Variants in TARS2 observed in about 807,000 individuals in gnomAD.
The protein encoded by TARS2 is threonyl-tRNA synthetase 2, mitochondrial, also known as threonine--tRNA ligase, mitochondrial.
TARS2 carries 61 observed loss-of-function variants against 94.4 expected under a neutral mutation model. The observed-to-expected ratio is 0.65, with a 90% CI of 0.53 to 0.80. TARS2 has a LOEUF of 0.80. Among genes scored for constraint, TARS2 ranks in the 30% least tolerant of loss-of-function variants. The pLI, the probability that TARS2 is intolerant of heterozygous loss-of-function variation, is 0.00. For missense variants in TARS2, 704 were observed against 902.5 expected (o/e 0.78, Z 2.82); for synonymous variants, 359 against 353.4 (o/e 1.02, Z -0.18).
chr1:150,494,301 G>A (rs1165929086), intron 7 of TARS2, among the ~76,000 whole-genome samples: 1 of 150,722 alleles, frequency 6.6e-6, no homozygotes, highest in East Asian at 2.0e-4. Context: ...CTGCCAGGAG[G>A]CAGAGGTTGC....
At chr1:150,487,797 C>T (rs1176388666) in intron 1 of TARS2, 61 bp from the exon 2 acceptor site, 1 of 1,571,758 alleles carries the variant, frequency 6.4e-7, no homozygotes, top group African/African-American at 1.4e-5. Flanking sequence ...GTGCCATCAT[C>T]TGCAATTCTA....
intron 13 of TARS2, among the ~76,000 whole-genome samples, chr1:150,502,731 T>C (rs1008844959): frequency 6.6e-6 from 1 of 152,188 alleles, no homozygotes; most frequent in Non-Finnish European, 1.5e-5. Flanking sequence ...TTGACTGTGT[T>C]GGGGTCTTTT....
intron 11 of TARS2, 77 bp from the exon 12 acceptor site, chr1:150,498,820 T>C: frequency 6.2e-7 from 1 of 1,610,804 alleles, no homozygotes; most frequent in Non-Finnish European, 8.5e-7. Flanking sequence ...GTTTTTGCCC[T>C]TTGTTTTCCT....
chr1:150,504,457 T>A, intron 14 of TARS2, 22 bp downstream of exon 14: 1 of 1,612,234 alleles, frequency 6.2e-7, no homozygotes, highest in South Asian at 1.1e-5. Flanking sequence ...TGCCCTATCC[T>A]CTTTTCCCTT....
In TARS2 at chr1:150,487,981, T is replaced by C. The variant is rs749449546; in HGVS notation, c.190T>C (p.Ser64Pro). The change falls in exon 2 of 18, where the codon TCA becomes CCA. Residue 64 changes from serine to proline, a missense_variant. Physicochemically the swap from Ser to Pro is moderately conservative, Grantham distance 74. This residue lies in a region of TARS2 where 208 missense variants were observed against 228.5 expected (regional missense o/e 0.91). Coordinates refer to ENST00000369064, the MANE Select transcript of TARS2 (RefSeq NM_025150.5). ...AQKEPRTIKI[S>P]LPGGQKIDAV... ...GAAGGAACCCCGGACTATTAAGATA[T>C]CACTTCCTGGAGGCCAGAAAATTGA... The C allele has an allele frequency of 1.9e-6, 3 of 1,613,984 alleles. No individual in the cohort carries two copies. Among genetic ancestry groups the C allele is most frequent in the East Asian group, 4.5e-5 (2 of 44,874 alleles).
intron 3 of TARS2, chr1:150,489,352 A>C: frequency 2.3e-6 from 1 of 433,892 alleles, no homozygotes; most frequent in Non-Finnish European, 4.4e-6. Context: ...ATGTAAATTC[A>C]GCCCCCTCAA....
chr1:150,491,266 G>T (rs1461293801), intron 4 of TARS2, 128 bp from the exon 5 acceptor site: 2 of 830,196 alleles, frequency 2.4e-6, no homozygotes, highest in African/African-American at 1.7e-5. Context: ...CTCTGAGTTT[G>T]TCTGTCTTTG....
chr1:150,490,916 C>G (rs1432425824), intron 4 of TARS2, among the ~76,000 whole-genome samples, 191 bp downstream of exon 4: 2 of 151,974 alleles, frequency 1.3e-5, no homozygotes, highest in African/African-American at 4.8e-5. Context: ...AATTTACCTT[C>G]TTGGCTGGTG....
chr1:150,500,798 TG>T (rs1432285310), intron 13 of TARS2, among the ~76,000 whole-genome samples: 1 of 152,180 alleles, frequency 6.6e-6, no homozygotes, highest in Non-Finnish European at 1.5e-5. Flanking sequence ...CACTCCAGCC[TG>T]GGCGACAGAG....
Position 150,496,893 on chromosome 1 carries a change from A to G in TARS2, c.1005A>G (p.Leu335=), listed in dbSNP as rs779555326. The change falls in exon 9 of 18, where the codon CTA becomes CTG. Residue 335 remains leucine (L), a synonymous_variant. Coordinates refer to ENST00000369064, the MANE Select transcript of TARS2 (RefSeq NM_025150.5). ...GAGGGACAAGGGTGTATAATGCACT[A>G]GTGGCGTTTATCAGGGTAAGGGGAC... ...LPRGTRVYNA[L]VAFIRAEYAH... 3.1e-6 allele frequency: 5 copies of G among 1,614,006 alleles called. No homozygotes were observed. The South Asian group carries it at 4.4e-5, about 14-fold the overall frequency.
intron 4 of TARS2, 126 bp from the exon 5 acceptor site, chr1:150,491,268 C>G: frequency 1.2e-6 from 1 of 848,838 alleles, no homozygotes. Context: ...CTGAGTTTGT[C>G]TGTCTTTGCC....
rs145751121 is a variant in TARS2 at position 150,498,967 on chromosome 1, G to C, written c.1472G>C (p.Arg491Pro). The C allele has an allele frequency of 1.2e-6, 2 of 1,614,084 alleles. No individual in the cohort carries two copies. Among genetic ancestry groups the C allele is most frequent in the South Asian group, 1.1e-5 (1 of 91,074 alleles). The change falls in exon 12 of 18, where the codon CGC (arginine) becomes CCC (proline). Residue 491 changes from arginine (R) to proline (P), a missense_variant. This residue lies in a region of TARS2 where 466 missense variants were observed against 609.5 expected (regional missense o/e 0.76). Coordinates refer to ENST00000369064, the MANE Select transcript of TARS2 (RefSeq NM_025150.5). ...TATGCCGTTCTTGGCTTCTCCTTCC[G>C]CCTGGCACTGTCCACCCGGCCATCT... is the stretch of plus-strand genomic sequence containing the variant. ...SVYAVLGFSF[R>P]LALSTRPSGF...
chr1:150,488,326 A>ATT, intron 2 of TARS2: 1 of 332,780 alleles, frequency 3.0e-6, no homozygotes, highest in Non-Finnish European at 5.5e-6. Context: ...TGAGCCACCA[A>ATT]ACCCGGCCTG....
At chr1:150,503,731 A>G (rs1670069812) in intron 13 of TARS2, among the ~76,000 whole-genome samples, 1 of 151,012 alleles carries the variant, frequency 6.6e-6, no homozygotes, top group Non-Finnish European at 1.5e-5. Context: ...ACACACATAT[A>G]CACACACATA....
In TARS2 at chr1:150,496,853, G is replaced by T. The variant is rs1669684469; in HGVS notation, c.965G>T (p.Cys322Phe). ...FFFHELSPGS[C>F]FFLPRGTRVY... Reference sequence around the variant, plus strand: ...TTCCATGAACTGAGCCCTGGGAGCTGCTTCTTCCTGCCACGAGGGACAAGG... The same window carrying T: ...TTCCATGAACTGAGCCCTGGGAGCTTCTTCTTCCTGCCACGAGGGACAAGG... Residue 322 changes from cysteine (C) to phenylalanine (F), a missense_variant, in exon 9 of 18, where the codon TGC becomes TTC. Transcript: ENST00000369064. 9.3e-6 allele frequency: 15 copies of T among 1,614,106 alleles called. No homozygotes were observed. The highest frequency in any genetic ancestry group is 2.2e-5 in the East Asian group (1 of 44,888).
chr1:150,503,585 A>ATACGTG (rs1461714331), intron 13 of TARS2, among the ~76,000 whole-genome samples: 1 of 137,110 alleles, frequency 7.3e-6, no homozygotes. Flanking sequence ...GTGTATATAT[A>ATACGTG]TGTGTGTGTG....
At chr1:150,497,016 C>T (rs1330064015) in intron 9 of TARS2, 108 bp downstream of exon 9, 7 of 1,032,562 alleles carry the variant, frequency 6.8e-6, no homozygotes, top group African/African-American at 1.6e-5. Flanking sequence ...GGCACAGTGG[C>T]TCACATCTAT....
At chr1:150,491,961 G>GTTTTTTTTTTTTTTTTTTTTTTTTT in intron 6 of TARS2, 1 of 124,616 alleles carries the variant, frequency 8.0e-6, no homozygotes. Context: ...TGCCTGGCTA[G>GTTTTTTTTTTTTTTTTTTTTTTTTT]TTTTTTTTTT....
intron 3 of TARS2, among the ~76,000 whole-genome samples, chr1:150,489,770 C>T (rs587611636): frequency 6.6e-6 from 1 of 152,172 alleles, no homozygotes; most frequent in East Asian, 1.9e-4. Flanking sequence ...GTAGAAACCC[C>T]GTCTCTACTA....
Sources: gnomAD v4.1 joint callset for allele counts (sites outside exome capture counted in the v4.1 genomes callset) on GRCh38, gnomAD v4.1.1 for gene constraint, gnomAD v4.1.1 regional missense constraint, MANE v1.5 for transcripts, NCBI Gene and HGNC (gene_info 2026-07-23, HGNC 2026-07-21) for gene names.